The following PEPD variants were observed in gnomAD, a reference collection of about 807,000 sequenced individuals.
PEPD encodes the protein xaa-Pro dipeptidase.
In PEPD, 53 loss-of-function variants were observed where a neutral mutation model predicts 60.7. That is an observed-to-expected ratio of 0.87 (90% CI 0.70 to 1.10). The LOEUF (loss-of-function observed/expected upper bound fraction) is 1.10, where lower values mean the gene tolerates loss of function less well. PEPD is among the 50% of genes least tolerant of loss of function. The pLI, the probability that PEPD is intolerant of heterozygous loss-of-function variation, is 0.00. For synonymous variants in PEPD, 267 were observed against 284.1 expected, an observed-to-expected ratio of 0.94 and a Z score of 0.60; for missense variants, 711 against 711.9, an observed-to-expected ratio of 1.00 and a Z score of 0.01.
intron 7 of PEPD, among the ~76,000 whole-genome samples, chr19:33,468,666 T>C (rs978679045): frequency 2.0e-5 from 3 of 152,216 alleles, no homozygotes; most frequent in Non-Finnish European, 2.9e-5. Flanking sequence ...GCCAGCCATT[T>C]GTCACTGGGA....
intron 12 of PEPD, among the ~76,000 whole-genome samples, chr19:33,399,328 C>T (rs1035197723): frequency 2.6e-5 from 4 of 152,208 alleles, no homozygotes; most frequent in Non-Finnish European, 4.4e-5. Flanking sequence ...CTGTTTTCCT[C>T]GGCAGCTGCT....
intron 9 of PEPD, among the ~76,000 whole-genome samples, chr19:33,448,148 C>A (rs942824130): frequency 1.3e-5 from 2 of 152,200 alleles, no homozygotes; most frequent in Non-Finnish European, 2.9e-5. Context: ...CCGCAGGGAG[C>A]GTCTTTCGCA....
rs906879187 is a variant in PEPD, at chr19:33,431,992, C to CAAAAAAAAAAAAA, written c.672-18362_672-18350dup. On this transcript the variant is annotated intron_variant, in intron 9 of 14. Coordinates refer to ENST00000244137, the MANE Select transcript of PEPD (RefSeq NM_000285.4). ...TGGGTAACAGAGCAAGACACCACCT[C>CAAAAAAAAAAAAA]AAAAAAAAAAAAAAAAAAGGGAAGA... 2.4e-3 allele frequency among the ~76,000 whole-genome samples: 190 copies of CAAAAAAAAAAAAA among 77,750 alleles called. 2 individuals are homozygous for CAAAAAAAAAAAAA. Among genetic ancestry groups the CAAAAAAAAAAAAA allele is most frequent in the Middle Eastern group, 8.5e-3 (1 of 118 alleles). 51.0% of individuals were successfully genotyped at this position (77,750 alleles called of 152,430 possible).
rs1971139629 is a variant in PEPD, at chr19:33,521,685, G to A, written c.17+59C>T. 26 of 1,537,868 alleles carry A rather than the reference G, an allele frequency of 1.7e-5. No homozygotes were observed. The East Asian group carries it at 3.3e-4, about 20-fold the overall frequency. On this transcript the variant is annotated intron_variant, in intron 1 of 14. Coordinates refer to ENST00000244137, the MANE Select transcript of PEPD (RefSeq NM_000285.4). ...TGACGCTCTCACCCGCGGTCCGGCC[G>A]GGACACCCATGCCCCTCTCCACGCC... is the stretch of plus-strand genomic sequence containing the variant.
chr19:33,463,938 C>G (rs1439355170), intron 8 of PEPD, 49 bp downstream of exon 8: 4 of 1,285,032 alleles, frequency 3.1e-6, no homozygotes, highest in Non-Finnish European at 4.5e-6. Flanking sequence ...TCTCTCGCCA[C>G]ACAGCAACAC....
intron 9 of PEPD, among the ~76,000 whole-genome samples, chr19:33,436,836 T>C (rs11672573): frequency 0.082 from 12,440 of 152,210 alleles, 578 homozygotes; most frequent in Non-Finnish European, 0.11. Flanking sequence ...GGCCGGTTCA[T>C]TGGGTCCGAG....
At chr19:33,512,884 C>A in intron 1 of PEPD, 108 bp from the exon 2 acceptor site, 1 of 1,251,106 alleles carries the variant, frequency 8.0e-7, no homozygotes, top group South Asian at 1.2e-5. Flanking sequence ...CGTGGGACCC[C>A]CATCAGCACG....
intron 9 of PEPD, among the ~76,000 whole-genome samples, chr19:33,450,145 C>T (rs1969669040): frequency 6.6e-6 from 1 of 152,238 alleles, no homozygotes; most frequent in Non-Finnish European, 1.5e-5. Flanking sequence ...GGTCAGAACA[C>T]ACCCGATGTG....
chr19:33,402,210 T>A (rs917588828), intron 11 of PEPD, among the ~76,000 whole-genome samples: 1 of 152,112 alleles, frequency 6.6e-6, no homozygotes, highest in Non-Finnish European at 1.5e-5. Flanking sequence ...CATGGAGAAT[T>A]GTTTGGAGAA....
At chr19:33,402,727 A>G (rs1968527878) in intron 11 of PEPD, among the ~76,000 whole-genome samples, 1 of 152,206 alleles carries the variant, frequency 6.6e-6, no homozygotes, top group African/African-American at 2.4e-5. Flanking sequence ...AGAGACCAGC[A>G]GGACACAGGC....
chr19:33,495,500 CAA>C (rs879774146), intron 4 of PEPD, among the ~76,000 whole-genome samples: 16 of 85,574 alleles, frequency 1.9e-4, no homozygotes, highest in Admixed American at 4.0e-4. Context: ...GACTCTGTCT[CAA>C]AAAAAAAAAA....
At chr19:33,456,158 C>A (rs971312464) in intron 9 of PEPD, among the ~76,000 whole-genome samples, 1 of 152,158 alleles carries the variant, frequency 6.6e-6, no homozygotes, top group African/African-American at 2.4e-5. Context: ...CCGCTGAGAG[C>A]CCCAGTTTCA....
At chr19:33,399,720 G>C (rs562004485) in intron 12 of PEPD, among the ~76,000 whole-genome samples, 1 of 152,162 alleles carries the variant, frequency 6.6e-6, no homozygotes, top group Non-Finnish European at 1.5e-5. Context: ...TCAGTCGACC[G>C]CCGAGCCATC....
At chr19:33,411,288 C>T (rs2145363965) in intron 11 of PEPD, among the ~76,000 whole-genome samples, 1 of 152,278 alleles carries the variant, frequency 6.6e-6, no homozygotes, top group African/African-American at 2.4e-5. Context: ...AGCTCCAGAC[C>T]AAGAGGCCTG....
intron 1 of PEPD, among the ~76,000 whole-genome samples, chr19:33,514,649 A>G (rs1004085676): frequency 6.6e-6 from 1 of 151,792 alleles, no homozygotes; most frequent in Admixed American, 6.5e-5. Flanking sequence ...CGACAGGCAC[A>G]TGAGGCTGGG....
chr19:33,466,940 G>C (rs1440820442), intron 7 of PEPD, among the ~76,000 whole-genome samples: 1 of 151,862 alleles, frequency 6.6e-6, no homozygotes, highest in East Asian at 1.9e-4. Flanking sequence ...GGCAGATCAC[G>C]AGGTCAGGAG....
At position 33,421,019 on chromosome 19, in the gene PEPD, G is replaced by A. The variant is rs138078537; in HGVS notation, c.672-7376C>T. On this transcript the variant is annotated intron_variant, in intron 9 of 14. Transcript: ENST00000244137. ...AATGTTTGTGGACCCGTCTAGGTGG[G>A]CAGCAGTCCCTGGTTGGTTCTCACT... 2.8e-3 allele frequency among the ~76,000 whole-genome samples: 422 copies of A among 152,352 alleles called. 1 individual carries two copies. Among genetic ancestry groups the A allele is most frequent in the Admixed American group, 4.6e-3 (70 of 15,304 alleles).
At chr19:33,472,136 GGGCAACAAGAACAAAAC>G (rs1970131785) in intron 7 of PEPD, among the ~76,000 whole-genome samples, 1 of 149,436 alleles carries the variant, frequency 6.7e-6, no homozygotes, top group Non-Finnish European at 1.5e-5. Flanking sequence ...ACTCCAGCCT[GGGCAACAAGAACAAAAC>G]TCCATCTCAA....
intron 10 of PEPD, 77 bp from the exon 11 acceptor site, chr19:33,411,826 C>G (rs1036814499): frequency 1.1e-6 from 1 of 876,216 alleles, no homozygotes; most frequent in Admixed American, 2.0e-5. Flanking sequence ...GATGCTCGAT[C>G]CCCTGCCCAT....
Sources: allele counts gnomAD v4.1 joint callset (sites outside exome capture counted in the v4.1 genomes callset), GRCh38; gene constraint gnomAD v4.1.1; transcripts MANE v1.5; gene names NCBI Gene and HGNC (gene_info 2026-07-23, HGNC 2026-07-21).